The following ME2 variants were observed in gnomAD, a reference collection of about 807,000 sequenced individuals.
The protein encoded by ME2 is malic enzyme 2, also known as NAD-dependent malic enzyme, mitochondrial.
In ME2, 60 loss-of-function variants were observed where a neutral mutation model predicts 73.7. The observed-to-expected ratio is 0.81, with a 90% confidence interval of 0.66 to 1.01. The LOEUF (loss-of-function observed/expected upper bound fraction) is 1.01, where lower values mean the gene tolerates loss of function less well. ME2 is among the 50% of genes least tolerant of loss of function. The pLI, the probability that ME2 is intolerant of heterozygous loss-of-function variation, is 0.00. For synonymous variants in ME2, 199 were observed against 236.9 expected, an observed-to-expected ratio of 0.84 and a Z score of 1.47; for missense variants, 594 against 705.5, an observed-to-expected ratio of 0.84 and a Z score of 1.79.
rs1326848364 is a variant in ME2, at chr18:50,948,915, C to T, written c.*1731C>T. ...AGTCTGGAGTGTAGTGGCATGATCT[C>T]TGCAACCTCTGCCTCCTCGGTTCAG... is the stretch of plus-strand genomic sequence containing the variant. On this transcript the variant is annotated 3_prime_UTR_variant, in exon 16 of 16. Coordinates refer to ENST00000321341, the MANE Select transcript of ME2 (RefSeq NM_002396.5). 1 of 143,414 alleles carries T rather than the reference C, an allele frequency of 7.0e-6. No individual in the cohort carries two copies. The highest frequency in any genetic ancestry group is 7.5e-5 in the Admixed American group (1 of 13,352). The allele number at this position is 143,414 out of a possible 1,614,324, so 8.9% of individuals were successfully genotyped here.
intron 12 of ME2, among the ~76,000 whole-genome samples, chr18:50,927,751 T>TATACATATATATATATATATAC (rs1316314513): frequency 6.5e-5 from 8 of 123,292 alleles, no homozygotes; most frequent in African/African-American, 2.7e-4. Flanking sequence ...TATATATATA[T>TATACATATATATATATATATAC]ACACACCACA....
intron 3 of ME2, among the ~76,000 whole-genome samples, chr18:50,910,351 A>T (rs536844678): frequency 1.8e-4 from 27 of 146,714 alleles, no homozygotes; most frequent in African/African-American, 6.8e-4. Context: ...ACGCAGGAGG[A>T]TAACTTAAGC....
chr18:50,941,085 C>T (rs1917939335), intron 15 of ME2, among the ~76,000 whole-genome samples: 1 of 151,254 alleles, frequency 6.6e-6, no homozygotes, highest in South Asian at 2.1e-4. Flanking sequence ...TGGTGAAACC[C>T]CGTCTCTACT....
At chr18:50,926,464 A>G (rs1349253762) in intron 12 of ME2, among the ~76,000 whole-genome samples, 1 of 152,216 alleles carries the variant, frequency 6.6e-6, no homozygotes, top group Non-Finnish European at 1.5e-5. Context: ...CAGTTTGACT[A>G]TGGCGGACAT....
chr18:50,879,549 C>T (rs1045046731), intron 1 of ME2, among the ~76,000 whole-genome samples: 1 of 152,206 alleles, frequency 6.6e-6, no homozygotes, highest in African/African-American at 2.4e-5. Flanking sequence ...CGGCTCTACC[C>T]GGCGCGCGAT....
At chr18:50,916,825 TC>T (rs1451193129) in intron 5 of ME2, 2 of 152,298 alleles carry the variant, frequency 1.3e-5, no homozygotes, top group African/African-American at 4.8e-5. Flanking sequence ...CATTGAATGA[TC>T]GTTGGTTTGA....
intron 10 of ME2, among the ~76,000 whole-genome samples, chr18:50,923,659 G>A (rs1181439135): frequency 6.6e-6 from 1 of 152,078 alleles, no homozygotes; most frequent in Non-Finnish European, 1.5e-5. Context: ...GGCTGAGGTG[G>A]GAGGATCACC....
At position 50,917,480 on chromosome 18, in the gene ME2, T is replaced by C. The variant is rs1314331026; in HGVS notation, c.602T>C (p.Val201Ala). The C allele has an allele frequency of 6.2e-7, 1 of 1,611,500 alleles. No individual in the cohort carries two copies. Among genetic ancestry groups the C allele is most frequent in the Non-Finnish European group, 8.5e-7 (1 of 1,178,200 alleles). ...AGIRPDRCLP[V>A]CIDVGTDNIA... ...ATACGGCCTGATAGATGCCTGCCAG[T>C]GTGTATTGATGTGGGAACTGATAAT... The change falls in exon 6 of 16, where the codon GTG (valine) becomes GCG (alanine). Residue 201 changes from valine (V) to alanine (A), a missense_variant. Val to Ala is a moderately conservative substitution (Grantham distance 64). Coordinates refer to ENST00000321341, the MANE Select transcript of ME2 (RefSeq NM_002396.5).
rs1918193527 is a variant in ME2 at position 50,950,306 on chromosome 18, C to G, written c.*3122C>G. 6.6e-6 allele frequency: 1 copy of G among 151,996 alleles called. No individual in the cohort carries two copies. Among genetic ancestry groups the G allele is most frequent in the Non-Finnish European group, 1.5e-5 (1 of 68,004 alleles). The allele number at this position is 151,996 out of a possible 1,614,324, so 9.4% of individuals were successfully genotyped here. On this transcript the variant is annotated 3_prime_UTR_variant, in exon 16 of 16. Transcript: ENST00000321341. The stretch of plus-strand genomic sequence containing the variant: ...GCCTTTGCTCCTCCTCCCTCCAGGC[C>G]CCCGGGGGCAGAGCCCTGGCTGGTG...
chr18:50,936,241 T>TG (rs1274668827), intron 13 of ME2, among the ~76,000 whole-genome samples: 4 of 152,162 alleles, frequency 2.6e-5, no homozygotes, highest in Non-Finnish European at 5.9e-5. Context: ...GGGAAATACT[T>TG]GCCAACCTAG....
At chr18:50,903,380 A>T (rs746399099) in intron 2 of ME2, among the ~76,000 whole-genome samples, 1 of 152,194 alleles carries the variant, frequency 6.6e-6, no homozygotes, top group Non-Finnish European at 1.5e-5. Context: ...TGTCCCTTAA[A>T]TCTAAATAGG....
intron 12 of ME2, among the ~76,000 whole-genome samples, chr18:50,930,358 C>T (rs1417737820): frequency 2.0e-5 from 3 of 152,104 alleles, no homozygotes; most frequent in South Asian, 2.1e-4. Flanking sequence ...TTTGACTAGT[C>T]GTCACCTGTT....
chr18:50,895,392 G>A (rs1916713839), intron 1 of ME2, among the ~76,000 whole-genome samples: 1 of 152,130 alleles, frequency 6.6e-6, no homozygotes, highest in Admixed American at 6.5e-5. Flanking sequence ...TAAGAATCAG[G>A]ATAGTTTTTC....
intron 2 of ME2, among the ~76,000 whole-genome samples, chr18:50,901,574 T>G (rs1310726853): frequency 6.6e-6 from 1 of 152,230 alleles, no homozygotes; most frequent in Non-Finnish European, 1.5e-5. Flanking sequence ...ATACTTTCTT[T>G]TACACTGTAA....
At chr18:50,920,796 T>C (rs1156992431) in intron 9 of ME2, 38 bp downstream of exon 9, 1 of 1,444,738 alleles carries the variant, frequency 6.9e-7, no homozygotes, top group South Asian at 1.2e-5. Flanking sequence ...AAGCCTATCC[T>C]CTCTTATAGA....
chr18:50,921,008 A>G, intron 9 of ME2, 66 bp from the exon 10 acceptor site: 1 of 795,286 alleles, frequency 1.3e-6, no homozygotes, highest in Non-Finnish European at 2.0e-6. Flanking sequence ...TAATCTTCAT[A>G]TATAAAGTAA....
At chr18:50,909,796 G>A (rs1027063158) in intron 3 of ME2, among the ~76,000 whole-genome samples, 4 of 152,278 alleles carry the variant, frequency 2.6e-5, no homozygotes, top group South Asian at 2.1e-4. Flanking sequence ...ATGTTTCATC[G>A]TAGTTAGGAG....
rs1406621116 is a variant in ME2 at position 50,947,308 on chromosome 18, G to A, written c.*124G>A. 4 of 1,001,410 alleles carry A rather than the reference G, an allele frequency of 4.0e-6. No individual in the cohort carries two copies. The highest frequency in any genetic ancestry group is 1.7e-5 in the South Asian group (1 of 60,476). The allele number at this position is 1,001,410 out of a possible 1,614,324, so 62.0% of individuals were successfully genotyped here. The stretch of plus-strand genomic sequence containing the variant: ...GTTCTCCCTGACCACTTTGGTTGAT[G>A]TATTTTTTCCATGCGTCTCCACATC... On this transcript the variant is annotated 3_prime_UTR_variant, in exon 16 of 16. Coordinates refer to ENST00000321341, the MANE Select transcript of ME2 (RefSeq NM_002396.5).
intron 11 of ME2, among the ~76,000 whole-genome samples, chr18:50,924,946 T>C (rs879848980): frequency 2.0e-5 from 3 of 151,770 alleles, no homozygotes; most frequent in Non-Finnish European, 4.4e-5. Context: ...CGGGTGAGAC[T>C]CCATCTCAAA....
Sources: allele counts gnomAD v4.1 joint callset (sites outside exome capture counted in the v4.1 genomes callset), GRCh38; gene constraint gnomAD v4.1.1; transcripts MANE v1.5; gene names NCBI Gene and HGNC (gene_info 2026-07-23, HGNC 2026-07-21).